NOVA1: variants seen among roughly 807,000 people sequenced by gnomAD.
NOVA1 encodes NOVA alternative splicing regulator 1.
In NOVA1, 7 loss-of-function variants were observed where a neutral mutation model predicts 38.0. The observed-to-expected ratio is 0.18, with a 90% confidence interval of 0.10 to 0.35. The LOEUF (loss-of-function observed/expected upper bound fraction) is 0.35. Among genes scored for constraint, NOVA1 ranks in the 10% least tolerant of loss-of-function variants. The pLI is 1.00. For synonymous variants in NOVA1, 270 were observed against 232.5 expected (o/e 1.16, Z -1.47); for missense variants, 460 against 616.0 (o/e 0.75, Z 2.68).
intron 2 of NOVA1, among the ~76,000 whole-genome samples, chr14:26,530,269 C>CT (rs1357366040): frequency 6.6e-6 from 1 of 152,116 alleles, no homozygotes; most frequent in African/African-American, 2.4e-5. Context: ...TAGGCTTGGC[C>CT]TCGCACTTGT....
Position 26,597,462 on chromosome 14 carries a change from G to T in NOVA1, c.-26C>A. On this transcript the variant is annotated 5_prime_UTR_variant, in exon 1 of 5. Transcript: ENST00000539517. ...GTTTGCAGTTCCTGCCGCTGCTACC[G>T]GGAGAAGGTTCTCCCTTTTGTTTTG... The T allele has an allele frequency of 7.8e-7, 1 of 1,284,546 alleles. No individual in the cohort carries two copies. Among genetic ancestry groups the T allele is most frequent in the Non-Finnish European group, 9.9e-7 (1 of 1,008,380 alleles). 79.6% of individuals were successfully genotyped at this position (1,284,546 alleles called of 1,614,324 possible). A position where few individuals can be genotyped will look rare whatever the true frequency, so the allele number is the denominator to read the frequency against.
chr14:26,490,889 G>A (rs887434578), intron 2 of NOVA1, among the ~76,000 whole-genome samples: 8 of 125,218 alleles, frequency 6.4e-5, no homozygotes, highest in Non-Finnish European at 9.4e-5. Flanking sequence ...TCGCTCTGTC[G>A]CCCAGGCTGG....
At chr14:26,451,814 T>C (rs1033849885) in intron 4 of NOVA1, among the ~76,000 whole-genome samples, 8 of 152,206 alleles carry the variant, frequency 5.3e-5, no homozygotes, top group African/African-American at 1.7e-4. Context: ...ATGTAGTTAA[T>C]ACTCATCTTC....
intron 2 of NOVA1, among the ~76,000 whole-genome samples, chr14:26,484,608 T>C (rs1443045061): frequency 1.3e-5 from 2 of 152,152 alleles, no homozygotes; most frequent in African/African-American, 4.8e-5. Context: ...AGATACTCTC[T>C]TTCTACTTCC....
chr14:26,557,661 C>A (rs947160964), intron 2 of NOVA1, among the ~76,000 whole-genome samples: 1 of 151,968 alleles, frequency 6.6e-6, no homozygotes, highest in African/African-American at 2.4e-5. Flanking sequence ...GCATGAGCCA[C>A]CATGCTCAGC....
chr14:26,591,651 C>CA (rs1230908715), intron 2 of NOVA1, among the ~76,000 whole-genome samples: 1 of 151,428 alleles, frequency 6.6e-6, no homozygotes, highest in Non-Finnish European at 1.5e-5. Flanking sequence ...CTCTGATTTG[C>CA]AAAAAATTAT....
At chr14:26,498,258 G>A (rs936622340) in intron 2 of NOVA1, among the ~76,000 whole-genome samples, 2 of 151,732 alleles carry the variant, frequency 1.3e-5, no homozygotes, top group Non-Finnish European at 2.9e-5. Flanking sequence ...AGTAGAAAGG[G>A]GGTTTCACTG....
intron 2 of NOVA1, among the ~76,000 whole-genome samples, chr14:26,591,815 T>TA (rs1349326839): frequency 4.8e-5 from 7 of 145,420 alleles, no homozygotes; most frequent in Non-Finnish European, 1.1e-4. Context: ...ATGGTTTGTG[T>TA]TTTTTTTAAA....
chr14:26,581,974 T>C (rs1378466429), intron 2 of NOVA1, among the ~76,000 whole-genome samples: 1 of 151,806 alleles, frequency 6.6e-6, no homozygotes, highest in Non-Finnish European at 1.5e-5. Context: ...CCTATAGAAA[T>C]GTAAGGTCTC....
chr14:26,529,257 C>T (rs1283909252), intron 2 of NOVA1, among the ~76,000 whole-genome samples: 1 of 152,014 alleles, frequency 6.6e-6, no homozygotes, highest in East Asian at 1.9e-4. Flanking sequence ...CCGGCCTCAG[C>T]CTCCCAAGTA....
chr14:26,556,425 G>A (rs1891483639), intron 2 of NOVA1, among the ~76,000 whole-genome samples: 1 of 152,006 alleles, frequency 6.6e-6, no homozygotes, highest in African/African-American at 2.4e-5. Context: ...AGCAAATAGT[G>A]TTGGAACAAC....
chr14:26,560,693 A>C (rs1891767224), intron 2 of NOVA1, among the ~76,000 whole-genome samples: 1 of 152,186 alleles, frequency 6.6e-6, no homozygotes, highest in African/African-American at 2.4e-5. Context: ...ACACATAAAC[A>C]TATATACATA....
At chr14:26,472,043 T>A (rs1011164490) in intron 4 of NOVA1, 2 of 412,818 alleles carry the variant, frequency 4.8e-6, no homozygotes, top group African/African-American at 4.1e-5. Context: ...ATTCAATAAA[T>A]AGGCTTCAGT....
intron 2 of NOVA1, chr14:26,549,803 A>C (rs540844677): frequency 8.1e-7 from 1 of 1,230,974 alleles, no homozygotes; most frequent in Non-Finnish European, 1.1e-6. Context: ...TGCGCTGTTA[A>C]ACAGTTGCTG....
chr14:26,537,028 T>C (rs1890147609), intron 2 of NOVA1, among the ~76,000 whole-genome samples: 1 of 152,128 alleles, frequency 6.6e-6, no homozygotes, highest in Non-Finnish European at 1.5e-5. Flanking sequence ...GGAAATCCAC[T>C]ACTTTATGTT....
intron 4 of NOVA1, among the ~76,000 whole-genome samples, chr14:26,452,431 G>A (rs1429185953): frequency 6.6e-6 from 1 of 152,068 alleles, no homozygotes; most frequent in Non-Finnish European, 1.5e-5. Flanking sequence ...ACTGAATACT[G>A]GTGGGAAAAA....
At chr14:26,459,659 C>T (rs80215523) in intron 4 of NOVA1, among the ~76,000 whole-genome samples, 5,429 of 151,838 alleles carry the variant, frequency 0.036, 111 homozygotes, top group Non-Finnish European at 0.046. Flanking sequence ...CCTGAATGCC[C>T]ATTTATAAAA....
At chr14:26,491,160 A>T (rs1886313135) in intron 2 of NOVA1, among the ~76,000 whole-genome samples, 1 of 150,898 alleles carries the variant, frequency 6.6e-6, no homozygotes, top group African/African-American at 2.4e-5. Flanking sequence ...ACATCTGGCT[A>T]ATTTTTTTTT....
At chr14:26,522,449 G>A (rs573517187) in intron 2 of NOVA1, among the ~76,000 whole-genome samples, 2 of 152,256 alleles carry the variant, frequency 1.3e-5, no homozygotes, top group African/African-American at 4.8e-5. Flanking sequence ...TGACTTCACT[G>A]AAGTTTAAGT....
Sources: gnomAD v4.1 joint callset for allele counts (sites outside exome capture counted in the v4.1 genomes callset) on GRCh38, gnomAD v4.1.1 for gene constraint, MANE v1.5 for transcripts, NCBI Gene and HGNC (gene_info 2026-07-23, HGNC 2026-07-21) for gene names.